The following CYTH1 variants were observed in gnomAD, a reference collection of about 807,000 sequenced individuals.
CYTH1 encodes the protein cytohesin 1.
CYTH1 carries 18 observed loss-of-function variants against 61.8 expected under a neutral mutation model. That is an observed-to-expected ratio of 0.29 (90% CI 0.20 to 0.43). CYTH1 has a LOEUF of 0.43. Ranked by LOEUF, CYTH1 falls within the 20% of genes least tolerant of loss-of-function variation. The pLI is 1.00. For missense variants in CYTH1, 336 were observed against 510.5 expected (o/e 0.66, Z 3.29); for synonymous variants, 174 against 184.3 (o/e 0.94, Z 0.45).
chr17:78,732,360 T>C (rs2093299498), intron 1 of CYTH1, among the ~76,000 whole-genome samples: 1 of 152,140 alleles, frequency 6.6e-6, no homozygotes, highest in South Asian at 2.1e-4. Context: ...ACACAAAGAC[T>C]CAGATAATGG....
chr17:78,698,751 T>G (rs2092974160), intron 8 of CYTH1, 69 bp downstream of exon 8: 1 of 1,478,902 alleles, frequency 6.8e-7, no homozygotes. Context: ...TCTTCCTTCC[T>G]ACAAAAGACG....
chr17:78,748,921 A>G (rs1372653222), intron 1 of CYTH1, among the ~76,000 whole-genome samples: 1 of 152,158 alleles, frequency 6.6e-6, no homozygotes, highest in East Asian at 1.9e-4. Flanking sequence ...TCCTTTACTC[A>G]GCTGACACAG....
intron 1 of CYTH1, among the ~76,000 whole-genome samples, chr17:78,715,589 CTG>C (rs1264532559): frequency 6.6e-6 from 1 of 152,190 alleles, no homozygotes; most frequent in Non-Finnish European, 1.5e-5. Flanking sequence ...GCTGAGAAAA[CTG>C]TGTGATACCA....
chr17:78,748,720 A>G (rs2144664576), intron 1 of CYTH1, among the ~76,000 whole-genome samples: 1 of 152,306 alleles, frequency 6.6e-6, no homozygotes, highest in South Asian at 2.1e-4. Context: ...AGAGTAAGTA[A>G]AAACGGGTGG....
At chr17:78,709,361 A>G (rs1347989042) in intron 2 of CYTH1, 1 of 342,686 alleles carries the variant, frequency 2.9e-6, no homozygotes, top group Non-Finnish European at 5.3e-6. Flanking sequence ...GCAAGGGCAA[A>G]CACAGCAGAG....
intron 1 of CYTH1, among the ~76,000 whole-genome samples, chr17:78,777,060 G>A (rs953545296): frequency 2.0e-5 from 3 of 151,798 alleles, no homozygotes; most frequent in African/African-American, 7.3e-5. Flanking sequence ...GGGAGGCGGA[G>A]GTTGCGGTGA....
At chr17:78,738,539 G>A (rs1393163576) in intron 1 of CYTH1, among the ~76,000 whole-genome samples, 1 of 152,036 alleles carries the variant, frequency 6.6e-6, no homozygotes, top group African/African-American at 2.4e-5. Context: ...GACTCTGAAG[G>A]TGCTGACATG....
chr17:78,749,578 T>C (rs1217141023), intron 1 of CYTH1, among the ~76,000 whole-genome samples: 1 of 151,928 alleles, frequency 6.6e-6, no homozygotes, highest in African/African-American at 2.4e-5. Flanking sequence ...TGCAGTAAGC[T>C]ATGATCATGC....
chr17:78,720,113 T>C (rs939432467), intron 1 of CYTH1, among the ~76,000 whole-genome samples: 1 of 151,762 alleles, frequency 6.6e-6, no homozygotes, highest in Non-Finnish European at 1.5e-5. Flanking sequence ...AGTGGGAGAA[T>C]GAAGGTTTAA....
intron 1 of CYTH1, among the ~76,000 whole-genome samples, chr17:78,747,853 C>T (rs1047069798): frequency 1.5e-4 from 23 of 152,074 alleles, no homozygotes; most frequent in Non-Finnish European, 2.1e-4. Context: ...GCTATAAGCA[C>T]GTAAAATTTT....
At chr17:78,688,046 T>C (rs2144115928) in intron 11 of CYTH1, among the ~76,000 whole-genome samples, 1 of 152,348 alleles carries the variant, frequency 6.6e-6, no homozygotes. Context: ...GTAATTTCAA[T>C]CGCATCCTGC....
intron 1 of CYTH1, among the ~76,000 whole-genome samples, chr17:78,778,716 G>A (rs2093503948): frequency 6.6e-6 from 1 of 151,566 alleles, no homozygotes; most frequent in African/African-American, 2.4e-5. Context: ...CACTTTCAGA[G>A]GCCAAGGCGG....
rs372618002 is a variant in CYTH1 at position 78,698,800 on chromosome 17, G to C, written c.699+20C>G. ...TGAACTCTTTCTTGACTTGAATGAA[G>C]ACCATTCTTCCTTGCTTACCCGGAG... On this transcript the variant is annotated intron_variant, in intron 8 of 13. Transcript: ENST00000446868. 2 of 1,550,718 alleles carry C rather than the reference G, an allele frequency of 1.3e-6. No homozygotes were observed. The highest frequency in any genetic ancestry group is 1.7e-6 in the Non-Finnish European group (2 of 1,158,140).
rs148184247 is a variant in CYTH1, at chr17:78,702,430, C to T, written c.237+108G>A. 1.8e-4 allele frequency: 224 copies of T among 1,256,406 alleles called. 2 individuals are homozygous for T. Among genetic ancestry groups the T allele is most frequent in the Admixed American group, 5.5e-4 (27 of 49,396 alleles). The allele number at this position is 1,256,406 out of a possible 1,614,324, so 77.8% of individuals were successfully genotyped here. A position where few individuals can be genotyped will look rare whatever the true frequency, so the allele number is the denominator to read the frequency against. Reference sequence around the variant, plus strand: ...AGTGCATAACATTTGCTCTACAAAACGGCAACATGAACTGTAACGCTTGGA... The same window carrying T: ...AGTGCATAACATTTGCTCTACAAAATGGCAACATGAACTGTAACGCTTGGA... On this transcript the variant is annotated intron_variant, in intron 4 of 13. Transcript: ENST00000446868.
intron 1 of CYTH1, among the ~76,000 whole-genome samples, chr17:78,757,377 C>T (rs1172204097): frequency 6.6e-6 from 1 of 152,122 alleles, no homozygotes; most frequent in African/African-American, 2.4e-5. Flanking sequence ...GGTCAAAGTT[C>T]TCCTTCTAAT....
chr17:78,750,418 A>C (rs1375362194), intron 1 of CYTH1, among the ~76,000 whole-genome samples: 1 of 152,162 alleles, frequency 6.6e-6, no homozygotes, highest in Admixed American at 6.5e-5. Flanking sequence ...AGGAGATGTC[A>C]AATGTGGCAC....
chr17:78,686,850 T>C (rs1169195281), intron 11 of CYTH1, among the ~76,000 whole-genome samples: 1 of 152,136 alleles, frequency 6.6e-6, no homozygotes, highest in Non-Finnish European at 1.5e-5. Flanking sequence ...GGCGAGATCT[T>C]GGCTCACCGC....
chr17:78,702,311 A>G, intron 4 of CYTH1, 71 bp from the exon 5 acceptor site: 1 of 1,291,492 alleles, frequency 7.7e-7, no homozygotes, highest in South Asian at 1.2e-5. Flanking sequence ...GAAAGGGCAC[A>G]GGAAGAAATG....
At chr17:78,747,435 T>C (rs1323692484) in intron 1 of CYTH1, among the ~76,000 whole-genome samples, 4 of 152,316 alleles carry the variant, frequency 2.6e-5, no homozygotes, top group African/African-American at 9.6e-5. Flanking sequence ...GGAGGCACTG[T>C]CTGGGAGAGG....
Sources: gnomAD v4.1 joint callset for allele counts (sites outside exome capture counted in the v4.1 genomes callset) on GRCh38, gnomAD v4.1.1 for gene constraint, MANE v1.5 for transcripts, NCBI Gene and HGNC (gene_info 2026-07-23, HGNC 2026-07-21) for gene names.